DLD: variants seen among roughly 807,000 people sequenced by gnomAD.
DLD encodes the protein dihydrolipoamide dehydrogenase.
A neutral mutation model predicts 62.2 loss-of-function variants in DLD; 36 were observed. The ratio of observed to expected loss-of-function variants is 0.58; its 90% confidence interval spans 0.44 to 0.76. The LOEUF (loss-of-function observed/expected upper bound fraction) is 0.76. Ranked by LOEUF, DLD falls within the 30% of genes least tolerant of loss-of-function variation. The pLI is 0.00. For synonymous variants in DLD, 204 were observed against 199.6 expected, an observed-to-expected ratio of 1.02 and a Z score of -0.19; for missense variants, 541 against 608.6, an observed-to-expected ratio of 0.89 and a Z score of 1.17.
At chr7:107,894,390 T>G (rs2031665470) in intron 2 of DLD, among the ~76,000 whole-genome samples, 1 of 152,256 alleles carries the variant, frequency 6.6e-6, no homozygotes, top group African/African-American at 2.4e-5. Flanking sequence ...ATTATCATTT[T>G]GGATATTTTA....
chr7:107,891,209 C>T lies in DLD; in HGVS notation c.-42C>T, dbSNP rs200830300. The T allele has an allele frequency of 2.6e-5, 42 of 1,612,658 alleles. 1 individual carries two copies. Among genetic ancestry groups the T allele is most frequent in the Middle Eastern group, 3.3e-4 (2 of 6,058 alleles). On this transcript the variant is annotated 5_prime_UTR_variant, in exon 1 of 14. Coordinates refer to ENST00000205402, the MANE Select transcript of DLD (RefSeq NM_000108.5). ...TTGGCGGAGCGGCGGAGGCGCCCAG[C>T]GGAGGTGAAAGTATTGGCGGAAAGG...
At chr7:107,895,506 C>G (rs994257888) in intron 2 of DLD, among the ~76,000 whole-genome samples, 1 of 152,146 alleles carries the variant, frequency 6.6e-6, no homozygotes, top group Non-Finnish European at 1.5e-5. Context: ...ACTTATATCA[C>G]TCACATTCAC....
At chr7:107,905,102 A>G in intron 6 of DLD, 44 bp downstream of exon 6, 2 of 1,402,324 alleles carry the variant, frequency 1.4e-6, no homozygotes, top group East Asian at 2.3e-5. Context: ...TTGAATACAA[A>G]TTAAACTTTG....
At chr7:107,905,140 G>C in intron 6 of DLD, 82 bp downstream of exon 6, 1 of 1,107,856 alleles carries the variant, frequency 9.0e-7, no homozygotes, top group Non-Finnish European at 1.3e-6. Flanking sequence ...ATTTGAACTT[G>C]GTTACAGGGG....
rs1064795549 is a variant in DLD at position 107,902,362 on chromosome 7, C to T, written c.236C>T (p.Thr79Ile). The change falls in exon 4 of 14, where the codon ACA becomes ATA. Residue 79 changes from threonine (T) to isoleucine (I), a missense_variant. Thr to Ile is a moderately conservative substitution (Grantham distance 89). Coordinates refer to ENST00000205402, the MANE Select transcript of DLD (RefSeq NM_000108.5). Reference protein sequence around the residue: ...CIEKNETLGGTCLNVGCIPSK... With the variant: ...CIEKNETLGGICLNVGCIPSK... The stretch of plus-strand genomic sequence containing the variant: ...GAGAAAAATGAAACACTTGGTGGAA[C>T]ATGCTTGAATGTTGGTTGTATTCCT... 3.1e-6 allele frequency: 5 copies of T among 1,613,736 alleles called. No homozygotes were observed. Among genetic ancestry groups the T allele is most frequent in the Non-Finnish European group, 4.2e-6 (5 of 1,179,868 alleles).
rs781282039 is a variant in DLD at position 107,917,439 on chromosome 7, T to C, written c.1213T>C (p.Ser405Pro). The C allele has an allele frequency of 1.9e-6, 3 of 1,614,034 alleles. No homozygotes were observed. The highest frequency in any genetic ancestry group is 2.5e-6 in the Non-Finnish European group (3 of 1,180,002). Residue 405 changes from serine to proline, a missense_variant, in exon 11 of 14, where the codon TCA becomes CCA. Transcript: ENST00000205402. ...CCCTGAAGTTGCTTGGGTTGGCAAATCAGAAGAGCAGTTGAAAGAAGAGGT... is the reference window on the plus strand; with the variant it reads ...CCCTGAAGTTGCTTGGGTTGGCAAACCAGAAGAGCAGTTGAAAGAAGAGGT... Reference protein sequence around the residue: ...THPEVAWVGKSEEQLKEEGIE... With the variant: ...THPEVAWVGKPEEQLKEEGIE...
intron 5 of DLD, 160 bp from the exon 6 acceptor site, chr7:107,904,798 T>C (rs909986700): frequency 2.9e-6 from 2 of 681,448 alleles, no homozygotes; most frequent in African/African-American, 3.5e-5. Flanking sequence ...ACAATGATGT[T>C]GGCCTTTTGT....
At position 107,919,252 on chromosome 7, in the gene DLD, A is replaced by G. The variant is rs754734172; in HGVS notation, c.1523A>G (p.Asn508Ser). 6.2e-7 allele frequency: 1 copy of G among 1,610,212 alleles called. No individual in the cohort carries two copies. Among genetic ancestry groups the G allele is most frequent in the Non-Finnish European group, 8.5e-7 (1 of 1,177,878 alleles). Residue 508 changes from asparagine to serine, a missense_variant, in exon 14 of 14, where the codon AAC becomes AGC. Physicochemically the swap from Asn to Ser is conservative, Grantham distance 46. Transcript: ENST00000205402. ...NLAASFGKSI[N>S]F ...GCTGCGTCATTTGGCAAATCAATCA[A>G]CTTTTGAATTAGAAGATTATATATA...
Position 107,915,524 on chromosome 7 carries a change from C to G in DLD, c.703C>G (p.Leu235Val). ...GVELGSVWQR[L>V]GADVTAVEFL... is the part of the protein sequence containing the mutation. ...TTTGCAGGGTTCAGTTTGGCAAAGA[C>G]TTGGTGCAGATGTGACAGCAGTTGA... is the stretch of plus-strand genomic sequence containing the variant. The change falls in exon 9 of 14, where the codon CTT becomes GTT. Residue 235 changes from leucine (L) to valine (V), a missense_variant. Leu to Val is a conservative substitution (Grantham distance 32). Transcript: ENST00000205402. The G allele has an allele frequency of 1.9e-6, 3 of 1,613,722 alleles. No individual in the cohort carries two copies. The highest frequency in any genetic ancestry group is 2.5e-6 in the Non-Finnish European group (3 of 1,179,862).
rs748688287 is a variant in DLD, at chr7:107,919,276, T to C, written c.*17T>C. 2.5e-6 allele frequency: 4 copies of C among 1,586,048 alleles called. No individual in the cohort carries two copies. The Admixed American group carries it at 5.0e-5, about 20-fold the overall frequency. On this transcript the variant is annotated 3_prime_UTR_variant, in exon 14 of 14. Transcript: ENST00000205402. ...AACTTTTGAATTAGAAGATTATATA[T>C]ATTTTTTTCTGAAATTTCCTGGGAG...
intron 2 of DLD, 197 bp downstream of exon 2, chr7:107,893,475 T>C (rs564886304): frequency 2.3e-6 from 1 of 438,752 alleles, no homozygotes; most frequent in Admixed American, 4.1e-5. Flanking sequence ...CCTGCTCTTA[T>C]GAAACTTGTA....
intron 8 of DLD, among the ~76,000 whole-genome samples, chr7:107,913,666 T>TA (rs1391248482): frequency 3.3e-5 from 5 of 152,144 alleles, no homozygotes; most frequent in Non-Finnish European, 7.4e-5. Flanking sequence ...TAAGATCATG[T>TA]AGTCTGCACA....
Position 107,903,533 on chromosome 7 carries a change from C to G in DLD, c.323C>G (p.Ser108Cys). Residue 108 changes from serine (S) to cysteine (C), a missense_variant, in exon 5 of 14, where the codon TCT (serine) becomes TGT (cysteine). Transcript: ENST00000205402. ...ATGGCCCATGGAAAAGATTTTGCAT[C>G]TAGAGGAATTGAAAGTAAGTATACT... ...YHMAHGKDFA[S>C]RGIEMSEVRL... 1 of 1,592,796 alleles carries G rather than the reference C, an allele frequency of 6.3e-7. No individual in the cohort carries two copies. Among genetic ancestry groups the G allele is most frequent in the Non-Finnish European group, 8.6e-7 (1 of 1,161,474 alleles).
intron 8 of DLD, among the ~76,000 whole-genome samples, chr7:107,911,190 A>G (rs958409471): frequency 1.3e-5 from 2 of 152,138 alleles, no homozygotes; most frequent in African/African-American, 4.8e-5. Context: ...CACTAATTCT[A>G]CTGTGTCTAT....
chr7:107,893,534 G>T (rs1011988572), intron 2 of DLD: 1 of 300,912 alleles, frequency 3.3e-6, no homozygotes, highest in Non-Finnish European at 6.2e-6. Context: ...TAAATATTTT[G>T]GGAAGTAACT....
chr7:107,898,995 G>A (rs1182814933), intron 2 of DLD, among the ~76,000 whole-genome samples: 2 of 152,092 alleles, frequency 1.3e-5, no homozygotes, highest in Non-Finnish European at 2.9e-5. Flanking sequence ...ACAGGTGAGA[G>A]GTAGATGATT....
intron 7 of DLD, 99 bp from the exon 8 acceptor site, chr7:107,906,168 G>C: frequency 1.4e-6 from 1 of 695,890 alleles, no homozygotes; most frequent in Admixed American, 2.4e-5. Context: ...TCAATTAATG[G>C]TTGGTTAAAT....
chr7:107,894,431 A>C (rs1405714866), intron 2 of DLD, among the ~76,000 whole-genome samples: 1 of 152,222 alleles, frequency 6.6e-6, no homozygotes, highest in African/African-American at 2.4e-5. Flanking sequence ...GGAGGATTCT[A>C]GTAACCCATG....
intron 8 of DLD, among the ~76,000 whole-genome samples, chr7:107,915,266 G>T (rs969244591): frequency 6.6e-6 from 1 of 152,142 alleles, no homozygotes; most frequent in African/African-American, 2.4e-5. Flanking sequence ...ACTAATGTAT[G>T]CCTAGAAGCT....
Sources: gnomAD v4.1 joint callset for allele counts (sites outside exome capture counted in the v4.1 genomes callset) on GRCh38, gnomAD v4.1.1 for gene constraint, MANE v1.5 for transcripts, NCBI Gene and HGNC (gene_info 2026-07-23, HGNC 2026-07-21) for gene names.